Variants in RAB11FIP5 observed in about 807,000 individuals in gnomAD.
The protein encoded by RAB11FIP5 is rab11 family-interacting protein 5.
Under a neutral mutation model 85.1 loss-of-function variants are expected in RAB11FIP5, and 48 were observed. The observed-to-expected ratio is 0.56, with a 90% CI of 0.45 to 0.72. RAB11FIP5 has a LOEUF of 0.72. Among genes scored for constraint, RAB11FIP5 ranks in the 30% least tolerant of loss-of-function variants. RAB11FIP5 has a pLI of 0.00. For synonymous variants in RAB11FIP5, 729 were observed against 727.3 expected, an observed-to-expected ratio of 1.00 and a Z score of -0.04; for missense variants, 1,491 against 1,687.0, an observed-to-expected ratio of 0.88 and a Z score of 2.04.
chr2:73,081,533 CA>C lies in RAB11FIP5; in HGVS notation c.1698del (p.Phe566LeufsTer48). The part of the protein sequence containing the change: ...TAAPMLSTNL[F>X]AAASPAAATA... Reference sequence around the variant, plus strand: ...GTGGCAGCAGCGGGGGAGGCGGCTGCAAAAAGGTTAGTGCTTAGCATGGGAG... The same window carrying C: ...GTGGCAGCAGCGGGGGAGGCGGCTGCAAAAGGTTAGTGCTTAGCATGGGAG... On this transcript the variant is annotated frameshift_variant, in exon 4 of 6. Transcript: ENST00000486777. LOFTEE classifies it high-confidence loss of function. The surrounding 1 kb of genome is among the most constrained non-coding windows in gnomAD (Gnocchi z 4.2). The C allele has an allele frequency of 8.2e-7, 1 of 1,223,706 alleles. No homozygotes were observed. The highest frequency in any genetic ancestry group is 3.2e-5 in the East Asian group (1 of 31,676). 75.8% of individuals were successfully genotyped at this position (1,223,706 alleles called of 1,614,324 possible).
rs761158209 is a variant in RAB11FIP5, at chr2:73,075,950, C to T, written c.3771+43G>A. 1 of 1,582,738 alleles carries T rather than the reference C, an allele frequency of 6.3e-7. No individual in the cohort carries two copies. The highest frequency in any genetic ancestry group is 1.7e-5 in the Admixed American group (1 of 58,660). On this transcript the variant is annotated intron_variant, in intron 5 of 5. Coordinates refer to ENST00000486777, the MANE Select transcript of RAB11FIP5 (RefSeq NM_001371272.1). This position sits in a 1 kb window ranked among gnomAD's most constrained non-coding sequence, Gnocchi z 4.6. ...CCAGGACCAAGCCCTGAGACTCCACCACACATTCTGTCAGATGGCCCCCAC... is the reference window on the plus strand; with the variant it reads ...CCAGGACCAAGCCCTGAGACTCCACTACACATTCTGTCAGATGGCCCCCAC...
intron 1 of RAB11FIP5, among the ~76,000 whole-genome samples, chr2:73,093,842 C>T (rs1038732560): frequency 1.3e-5 from 2 of 152,198 alleles, no homozygotes; most frequent in African/African-American, 2.4e-5. Flanking sequence ...CAACCTCGGA[C>T]GCGCATGGTG....
At chr2:73,079,294 C>A (rs946030085) in intron 4 of RAB11FIP5, among the ~76,000 whole-genome samples, 18 of 152,080 alleles carry the variant, frequency 1.2e-4, no homozygotes, top group Admixed American at 1.2e-3. Context: ...AGCTCCCCTG[C>A]GGCTGAGTGC....
intron 1 of RAB11FIP5, among the ~76,000 whole-genome samples, chr2:73,101,051 T>A (rs545089647): frequency 7.4e-6 from 1 of 135,232 alleles, no homozygotes; most frequent in South Asian, 2.8e-4. Context: ...GTGGGGGGGA[T>A]TTGGAATGCT....
At chr2:73,099,033 G>T (rs78860627) in intron 1 of RAB11FIP5, among the ~76,000 whole-genome samples, 31,570 of 135,338 alleles carry the variant, frequency 0.23, 4,144 homozygotes, top group Admixed American at 0.37. Flanking sequence ...ATGCTTTTTT[G>T]TTTTTTTTTT....
intron 1 of RAB11FIP5, among the ~76,000 whole-genome samples, chr2:73,109,341 C>T (rs1684597962): frequency 6.6e-6 from 1 of 152,180 alleles, no homozygotes. Context: ...CAAAATGGGG[C>T]CCCAGAGTCA....
intron 1 of RAB11FIP5, among the ~76,000 whole-genome samples, chr2:73,101,779 A>G (rs531947595): frequency 6.6e-6 from 1 of 152,298 alleles, no homozygotes; most frequent in East Asian, 1.9e-4. Context: ...ACAGCCCCGC[A>G]TGGGATCCTG....
intron 1 of RAB11FIP5, among the ~76,000 whole-genome samples, chr2:73,095,050 A>G (rs1553365060): frequency 2.0e-5 from 3 of 152,082 alleles, no homozygotes; most frequent in African/African-American, 2.4e-5. Context: ...TGCAGCACAT[A>G]TATCACTAAC....
At chr2:73,107,962 C>T (rs551324950) in intron 1 of RAB11FIP5, among the ~76,000 whole-genome samples, 2 of 152,340 alleles carry the variant, frequency 1.3e-5, no homozygotes, top group South Asian at 2.1e-4. Context: ...CTGTGGGCTA[C>T]GGGATAGATG....
At chr2:73,099,611 C>T (rs1382839045) in intron 1 of RAB11FIP5, among the ~76,000 whole-genome samples, 3 of 152,220 alleles carry the variant, frequency 2.0e-5, no homozygotes, top group South Asian at 2.1e-4. Context: ...GATTCCCCAG[C>T]GTCACGCCAC....
At position 73,075,534 on chromosome 2, in the gene RAB11FIP5, C is replaced by A. The variant is rs745917151; in HGVS notation, c.3962G>T (p.Gly1321Val). 1 of 1,614,032 alleles carries A rather than the reference C, an allele frequency of 6.2e-7. No individual in the cohort carries two copies. The highest frequency in any genetic ancestry group is 8.5e-7 in the Non-Finnish European group (1 of 1,179,952). Residue 1321 changes from glycine (G) to valine (V), a missense_variant, in exon 6 of 6, where the codon GGC becomes GTC. By Grantham distance (109) the Gly-to-Val change is moderately radical (BLOSUM62 -3). Transcript: ENST00000486777. This position sits in a 1 kb window ranked among gnomAD's most constrained non-coding sequence, Gnocchi z 4.6. ...TSPTLLQIPP[G>V]PPK ...GGGTGAGGAAGGCTATTTGGGGGGG[C>A]CCGGGGGGATCTGCAGCAGCGTGGG...
intron 1 of RAB11FIP5, among the ~76,000 whole-genome samples, chr2:73,106,706 G>A (rs1333006999): frequency 6.6e-6 from 1 of 152,192 alleles, no homozygotes; most frequent in Non-Finnish European, 1.5e-5. Flanking sequence ...TGGGCTGCCC[G>A]GGTCTAATGG....
chr2:73,088,915 A>T lies in RAB11FIP5; in HGVS notation c.832T>A (p.Ser278Thr). 1 of 1,590,510 alleles carries T rather than the reference A, an allele frequency of 6.3e-7. No homozygotes were observed. The highest frequency in any genetic ancestry group is 8.6e-7 in the Non-Finnish European group (1 of 1,168,004). ...QGPGAELLTR[S>T]PSRSSWLSTE... ...GACAGCCAGCTGCTACGGCTTGGTGAGCGGGTGAGGAGTTCGGCGCCAGGT... is the reference window on the plus strand; with the variant it reads ...GACAGCCAGCTGCTACGGCTTGGTGTGCGGGTGAGGAGTTCGGCGCCAGGT... Residue 278 changes from serine (S) to threonine (T), a missense_variant, in exon 2 of 6, where the codon TCA (serine) becomes ACA (threonine). Around this residue, in one of 3 missense-constraint regions of RAB11FIP5, gnomAD observed 1,211 missense variants for 1,338.0 expected, o/e 0.91. Coordinates refer to ENST00000486777, the MANE Select transcript of RAB11FIP5 (RefSeq NM_001371272.1).
rs2106110382 is a variant in RAB11FIP5, at chr2:73,088,964, G to A, written c.783C>T (p.Ala261=). Residue 261 remains alanine (A), a synonymous_variant, in exon 2 of 6, where the codon GCC becomes GCT. Coordinates refer to ENST00000486777, the MANE Select transcript of RAB11FIP5 (RefSeq NM_001371272.1). ...GTCCCTGGTAGGCCAAGCTCCCGCT[G>A]GCTGAGGACAGGGTGCTGTCCGAGC... ...SLGSDSTLSS[A]SGSLAYQGPG... is the part of the protein sequence containing the mutation. The A allele has an allele frequency of 6.2e-7, 1 of 1,613,786 alleles. No homozygotes were observed. The highest frequency in any genetic ancestry group is 8.5e-7 in the Non-Finnish European group (1 of 1,179,794).
chr2:73,076,250 T>C, intron 4 of RAB11FIP5, 68 bp from the exon 5 acceptor site: 1 of 1,402,214 alleles, frequency 7.1e-7, no homozygotes, highest in Non-Finnish European at 9.9e-7. Context: ...TGGGGCTGCC[T>C]TCCCTGTGGA....
chr2:73,076,223 G>T (rs186289869), intron 4 of RAB11FIP5, 41 bp from the exon 5 acceptor site: 1 of 1,520,228 alleles, frequency 6.6e-7, no homozygotes. Context: ...AGAGAGAAGG[G>T]TGGCACGGGT....
intron 4 of RAB11FIP5, among the ~76,000 whole-genome samples, chr2:73,076,564 G>A (rs918145607): frequency 3.3e-5 from 5 of 152,048 alleles, no homozygotes; most frequent in Non-Finnish European, 5.9e-5. Flanking sequence ...TCTCTAGTGC[G>A]GTGACCAACC....
Position 73,081,952 on chromosome 2 carries a change from T to A in RAB11FIP5, c.1569-289A>T, listed in dbSNP as rs1445145450. 6.6e-6 allele frequency among the ~76,000 whole-genome samples: 1 copy of A among 152,172 alleles called. No homozygotes were observed. Among genetic ancestry groups the A allele is most frequent in the African/African-American group, 2.4e-5 (1 of 41,428 alleles). On this transcript the variant is annotated intron_variant, in intron 3 of 5. Transcript: ENST00000486777. The surrounding 1 kb of genome is among the most constrained non-coding windows in gnomAD (Gnocchi z 4.2). ...CCGATCCAAACCTAACCAAGTGTTC[T>A]TTCCTCTATCCCATGCTGAAGCTTC...
At chr2:73,082,747 G>A (rs1286351464) in intron 3 of RAB11FIP5, among the ~76,000 whole-genome samples, 1 of 152,214 alleles carries the variant, frequency 6.6e-6, no homozygotes, top group Non-Finnish European at 1.5e-5. Flanking sequence ...CATCTGTCCA[G>A]GACAGGGTCC....
Sources: gnomAD v4.1 joint callset for allele counts (sites outside exome capture counted in the v4.1 genomes callset) on GRCh38, gnomAD v4.1.1 for gene constraint, gnomAD v4.1.1 regional missense constraint, Gnocchi (gnomAD v3.1) non-coding constraint, MANE v1.5 for transcripts, NCBI Gene and HGNC (gene_info 2026-07-23, HGNC 2026-07-21) for gene names.